DIS3L2: variants seen among roughly 807,000 people sequenced by gnomAD.
DIS3L2 encodes DIS3-like exonuclease 2.
DIS3L2 carries 34 observed loss-of-function variants against 97.5 expected under a neutral mutation model. The observed-to-expected ratio is 0.35, with a 90% CI of 0.27 to 0.46. DIS3L2 has a LOEUF of 0.46. DIS3L2 is among the 20% of genes least tolerant of loss of function. The pLI is 1.00. For synonymous variants in DIS3L2, 435 were observed against 445.2 expected, an observed-to-expected ratio of 0.98 and a Z score of 0.29; for missense variants, 1,038 against 1,146.0, an observed-to-expected ratio of 0.91 and a Z score of 1.36.
intron 6 of DIS3L2, among the ~76,000 whole-genome samples, chr2:232,106,637 AT>A (rs1697364308): frequency 6.6e-6 from 1 of 152,316 alleles, no homozygotes; most frequent in South Asian, 2.1e-4. Context: ...AGAGACCTAG[AT>A]TCCCACTCAA....
At position 232,030,097 on chromosome 2, in the gene DIS3L2, C is replaced by T; in HGVS notation, c.366+17C>T. 1.2e-6 allele frequency: 2 copies of T among 1,602,230 alleles called. No individual in the cohort carries two copies. The highest frequency in any genetic ancestry group is 1.7e-6 in the Non-Finnish European group (2 of 1,172,204). ...CATTGGAAGGTGAGTTAAGTTTTCC[C>T]TTTCTAATTACAGATTTCTTAGGGT... is the stretch of plus-strand genomic sequence containing the variant. On this transcript the variant is annotated intron_variant, in intron 5 of 20. Transcript: ENST00000325385.
intron 8 of DIS3L2, among the ~76,000 whole-genome samples, chr2:232,155,192 C>CGGAGCGAGCTGTAGACT (rs946911442): frequency 4.4e-5 from 6 of 136,442 alleles, no homozygotes; most frequent in African/African-American, 1.8e-4. Context: ...AGCTGTAGAC[C>CGGAGCGAGCTGTAGACT]GGAGCTGTTC....
rs762871291 is a variant in DIS3L2 at position 232,037,747 on chromosome 2, C to T, written c.366+7667C>T. 6.6e-6 allele frequency among the ~76,000 whole-genome samples: 1 copy of T among 152,176 alleles called. No individual in the cohort carries two copies. The highest frequency in any genetic ancestry group is 1.5e-5 in the Non-Finnish European group (1 of 68,020). ...ATATCTGGGCCAGAGTGCAATGTTC[C>T]TCACAGCACAGTCCCTCATGGCTTC... On this transcript the variant is annotated intron_variant, in intron 5 of 20. Transcript: ENST00000325385. This position sits in a 1 kb window ranked among gnomAD's most constrained non-coding sequence, Gnocchi z 4.6.
Position 232,247,577 on chromosome 2 carries a change from G to A in DIS3L2, c.1318-1662G>A, listed in dbSNP as rs573350800. On this transcript the variant is annotated intron_variant, in intron 11 of 20. Transcript: ENST00000325385. The stretch of plus-strand genomic sequence containing the variant: ...TCTGAAAGACCCTGTCTCTATATAC[G>A]GTCACACTGGGGGTTAGGGCTTCAA... Among the ~76,000 whole-genome samples the A allele has an allele frequency of 3.7e-5, 5 of 134,854 alleles. No individual in the cohort carries two copies. In the East Asian group the frequency reaches 1.2e-3, roughly 33 times the overall value. 88.5% of individuals were successfully genotyped at this position (134,854 alleles called of 152,430 possible).
chr2:232,166,341 C>T (rs763548591), intron 9 of DIS3L2, among the ~76,000 whole-genome samples: 4 of 152,282 alleles, frequency 2.6e-5, no homozygotes, highest in African/African-American at 2.4e-5. Context: ...CACACACACG[C>T]GTGCGCGCGC....
chr2:232,024,878 C>T (rs1160044771), intron 4 of DIS3L2, among the ~76,000 whole-genome samples: 2 of 152,040 alleles, frequency 1.3e-5, no homozygotes, highest in African/African-American at 4.8e-5. Flanking sequence ...TTAAGAGGCT[C>T]TTTCCACTTA....
chr2:232,033,380 T>C (rs1051302527), intron 5 of DIS3L2, among the ~76,000 whole-genome samples: 14 of 152,126 alleles, frequency 9.2e-5, no homozygotes, highest in South Asian at 2.1e-4. Context: ...GGCTGAGACA[T>C]TGGGGTTTTC....
At chr2:232,212,741 A>C (rs1226138770) in intron 10 of DIS3L2, among the ~76,000 whole-genome samples, 1 of 152,240 alleles carries the variant, frequency 6.6e-6, no homozygotes, top group Admixed American at 6.5e-5. Context: ...GGAATGAGTC[A>C]GAGAAATATT....
chr2:232,296,309 A>G (rs1694724860), intron 13 of DIS3L2, among the ~76,000 whole-genome samples: 1 of 152,250 alleles, frequency 6.6e-6, no homozygotes. Flanking sequence ...TTAAAATTCC[A>G]GTTCTAATTG....
chr2:232,225,266 T>C (rs1019924241), intron 10 of DIS3L2, among the ~76,000 whole-genome samples: 3 of 152,204 alleles, frequency 2.0e-5, no homozygotes, highest in South Asian at 2.1e-4. Context: ...GAAAGGTGTA[T>C]ATATGTACAG....
intron 12 of DIS3L2, among the ~76,000 whole-genome samples, chr2:232,251,410 A>G (rs1311392342): frequency 6.6e-6 from 1 of 152,240 alleles, no homozygotes; most frequent in African/African-American, 2.4e-5. Flanking sequence ...TCCTACTGAA[A>G]GGTAAAGTTG....
chr2:232,158,384 C>T (rs1690560252), intron 8 of DIS3L2, among the ~76,000 whole-genome samples: 1 of 151,644 alleles, frequency 6.6e-6, no homozygotes, highest in South Asian at 2.1e-4. Context: ...GATGAGTGTC[C>T]TACTTTTCAC....
intron 1 of DIS3L2, among the ~76,000 whole-genome samples, chr2:231,997,055 C>T (rs189784372): frequency 2.6e-5 from 4 of 152,300 alleles, no homozygotes; most frequent in Admixed American, 1.3e-4. Flanking sequence ...AGATTGTAAG[C>T]GCCATGAGAG....
At chr2:232,011,466 C>T (rs1694198162) in intron 1 of DIS3L2, among the ~76,000 whole-genome samples, 1 of 151,240 alleles carries the variant, frequency 6.6e-6, no homozygotes, top group African/African-American at 2.4e-5. Context: ...CAGTTCTCCA[C>T]CTTAGCCTCC....
intron 8 of DIS3L2, among the ~76,000 whole-genome samples, chr2:232,147,205 A>G (rs966470907): frequency 1.9e-4 from 29 of 152,266 alleles, no homozygotes; most frequent in Admixed American, 1.8e-3. Flanking sequence ...TCCTGGGCTC[A>G]AGTGATCCTC....
rs117384242 is a variant in DIS3L2 at position 232,323,222 on chromosome 2, G to A, written c.1740-6591G>A. On this transcript the variant is annotated intron_variant, in intron 14 of 20. Coordinates refer to ENST00000325385, the MANE Select transcript of DIS3L2 (RefSeq NM_152383.5). ...GGCACCTGGTTCTGCTTGGGGGCAG[G>A]GCCGCTGCCAGCCTGCAGGCCGCCC... Among the ~76,000 whole-genome samples the A allele has an allele frequency of 1.8e-4, 27 of 152,366 alleles. No homozygotes were observed. The East Asian group carries it at 5.2e-3, about 29-fold the overall frequency.
rs186087271 is a variant in DIS3L2, at chr2:232,070,753, G to T, written c.367-16734G>T. 3.8e-3 allele frequency among the ~76,000 whole-genome samples: 577 copies of T among 151,986 alleles called. 3 individuals carry two copies. The highest frequency in any genetic ancestry group is 0.013 in the African/African-American group (549 of 41,468). On this transcript the variant is annotated intron_variant, in intron 5 of 20. Transcript: ENST00000325385. ...GCGCGTACCACCACACCCAGCTAAC[G>T]TTTGTATTTTTAGTAGAGACAGGGT...
intron 9 of DIS3L2, among the ~76,000 whole-genome samples, chr2:232,166,043 A>G (rs968684240): frequency 2.0e-5 from 3 of 151,402 alleles, no homozygotes; most frequent in Admixed American, 6.6e-5. Context: ...ACCATAGAAT[A>G]AGAGGTCCTT....
At chr2:232,084,961 G>A (rs1297509561) in intron 5 of DIS3L2, among the ~76,000 whole-genome samples, 1 of 152,050 alleles carries the variant, frequency 6.6e-6, no homozygotes, top group Non-Finnish European at 1.5e-5. Flanking sequence ...GTCTAGGAAT[G>A]GTTATGTTAA....
Sources: allele counts gnomAD v4.1 joint callset (sites outside exome capture counted in the v4.1 genomes callset), GRCh38; gene constraint gnomAD v4.1.1; non-coding constraint Gnocchi (gnomAD v3.1); transcripts MANE v1.5; gene names NCBI Gene and HGNC (gene_info 2026-07-23, HGNC 2026-07-21).